Variants in ETV7 observed in about 807,000 individuals in gnomAD.
ETV7 encodes the protein transcription factor ETV7.
In ETV7, 43 loss-of-function variants were observed where a neutral mutation model predicts 39.1. The observed-to-expected ratio is 1.10, with a 90% CI of 0.86 to 1.42. The LOEUF (loss-of-function observed/expected upper bound fraction) is 1.42. Among genes scored for constraint, ETV7 ranks in the 40% most tolerant of loss-of-function variants. The pLI, the probability that ETV7 is intolerant of heterozygous loss-of-function variation, is 0.00. For missense variants in ETV7, 432 were observed against 442.3 expected (o/e 0.98, Z 0.21); for synonymous variants, 196 against 176.6 (o/e 1.11, Z -0.87).
downstream of ETV7, among the ~76,000 whole-genome samples, chr6:36,362,768 C>T (rs1173533460): frequency 1.3e-5 from 2 of 152,314 alleles, no homozygotes; most frequent in South Asian, 2.1e-4. Context: ...TGCCTGCTCT[C>T]CTAGTAGCCC....
chr6:36,384,106 C>T (rs150507082), intron 2 of ETV7, among the ~76,000 whole-genome samples: 1,974 of 152,320 alleles, frequency 0.013, 22 homozygotes, highest in Non-Finnish European at 0.019. Flanking sequence ...CAGAGATCCC[C>T]GTGGTGCTAA....
chr6:36,365,735 GA>G (rs890995714), downstream of ETV7, among the ~76,000 whole-genome samples: 3 of 152,154 alleles, frequency 2.0e-5, no homozygotes, highest in Non-Finnish European at 4.4e-5. Flanking sequence ...AAAACAGGTC[GA>G]AGCCCTGGGT....
intron 6 of ETV7, 57 bp from the exon 7 acceptor site, chr6:36,367,032 A>C: frequency 7.6e-7 from 1 of 1,321,932 alleles, no homozygotes; most frequent in Non-Finnish European, 1.1e-6. Context: ...CTCCTTCCAC[A>C]CCTGGAAGGG....
chr6:36,386,919 G>A (rs1266939134), intron 1 of ETV7: 2 of 165,182 alleles, frequency 1.2e-5, no homozygotes, highest in Non-Finnish European at 2.7e-5. Context: ...CTACTCCTCT[G>A]TCCTCATCCA....
rs777743088 is a variant in ETV7, at chr6:36,368,974, T to G, written c.762A>C (p.Arg254=). 4.3e-6 allele frequency: 7 copies of G among 1,614,188 alleles called. 1 individual carries two copies. In the South Asian group the frequency reaches 7.7e-5, roughly 18 times the overall value. ...KWEDKDAKIF[R]VVDPNGLARL... is the part of the protein sequence containing the mutation. ...TGGCGAGCCCATTTGGATCCACAAC[T>G]CGGAAGATCTTGGCGTCCTTGTCTT... Residue 254 remains arginine, a synonymous_variant, in exon 6 of 8, where the codon CGA becomes CGC. Coordinates refer to ENST00000340181, the MANE Select transcript of ETV7 (RefSeq NM_016135.4).
intron 3 of ETV7, 65 bp downstream of exon 3, chr6:36,375,806 G>A (rs1282121977): frequency 1.2e-6 from 2 of 1,609,808 alleles, no homozygotes; most frequent in South Asian, 2.2e-5. Context: ...GCCCCCCGGG[G>A]GTACTTGGGC....
At chr6:36,363,752 C>A (rs1334662933), downstream of ETV7, among the ~76,000 whole-genome samples, 1 of 146,522 alleles carries the variant, frequency 6.8e-6, no homozygotes, top group Non-Finnish European at 1.5e-5. Flanking sequence ...GAGCTAGACA[C>A]AAAGGTTCTC....
intron 5 of ETV7, among the ~76,000 whole-genome samples, chr6:36,369,517 C>T (rs568226160): frequency 6.6e-6 from 1 of 152,202 alleles, no homozygotes; most frequent in African/African-American, 2.4e-5. Context: ...AACATCCACC[C>T]CTTCAAGCTC....
At chr6:36,363,713 GGGTGCTGATT>G (rs1203564390), downstream of ETV7, among the ~76,000 whole-genome samples, 1 of 152,190 alleles carries the variant, frequency 6.6e-6, no homozygotes, top group Non-Finnish European at 1.5e-5. Flanking sequence ...TGTTTTGACA[GGGTGCTGATT>G]GGTGCGTTTA....
chr6:36,356,399 A>AT (rs1184904141), intron 7 of ETV7, among the ~76,000 whole-genome samples: 4 of 152,086 alleles, frequency 2.6e-5, no homozygotes, highest in African/African-American at 9.7e-5. Context: ...TTATATATCA[A>AT]TTTTTTAAAA....
chr6:36,387,538 G>A lies in ETV7; in HGVS notation c.4C>T (p.Gln2Ter). 1.2e-6 allele frequency: 2 copies of A among 1,614,106 alleles called. No homozygotes were observed. Among genetic ancestry groups the A allele is most frequent in the South Asian group, 1.1e-5 (1 of 91,084 alleles). ...GTGTTCAGCCGCCAGGCTCTTACCT[G>A]CATTACAGGTGGAGGTGAGGAAGCC... M[Q>*]EGELAISPIS... is the part of the protein sequence containing the mutation. Residue 2 changes from glutamine to a stop codon, truncating the protein, a stop_gained and splice_region_variant, in exon 1 of 8, where the codon CAG (glutamine) becomes TAG (stop). Transcript: ENST00000340181. LOFTEE classifies it high-confidence loss of function.
intron 6 of ETV7, 43 bp downstream of exon 6, chr6:36,368,886 C>T (rs1772855397): frequency 6.2e-7 from 1 of 1,613,534 alleles, no homozygotes; most frequent in Admixed American, 1.7e-5. Flanking sequence ...CAACTCTGTC[C>T]CCTTCTGGTT....
chr6:36,383,720 A>G (rs1219751438), intron 2 of ETV7, among the ~76,000 whole-genome samples: 2 of 152,240 alleles, frequency 1.3e-5, no homozygotes, highest in Non-Finnish European at 2.9e-5. Flanking sequence ...TGACAGGAAA[A>G]TGAGTCATTT....
intron 7 of ETV7, among the ~76,000 whole-genome samples, chr6:36,359,039 G>A (rs1201398126): frequency 6.6e-6 from 1 of 152,140 alleles, no homozygotes; most frequent in Non-Finnish European, 1.5e-5. Flanking sequence ...AGGCCAAGAT[G>A]GTCTTCTCCA....
intron 3 of ETV7, among the ~76,000 whole-genome samples, 194 bp from the exon 4 acceptor site, chr6:36,373,772 G>A (rs558863181): frequency 1.1e-4 from 17 of 152,376 alleles, no homozygotes; most frequent in African/African-American, 2.6e-4. Flanking sequence ...TGCTGCTCCC[G>A]TGGTGGATGA....
intron 2 of ETV7, among the ~76,000 whole-genome samples, chr6:36,379,726 A>T (rs2127399451): frequency 6.6e-6 from 1 of 152,014 alleles, no homozygotes; most frequent in Non-Finnish European, 1.5e-5. Context: ...AAATAAAAAA[A>T]TTAGCCAGGC....
At chr6:36,378,672 A>G (rs569715835) in intron 2 of ETV7, among the ~76,000 whole-genome samples, 7 of 152,184 alleles carry the variant, frequency 4.6e-5, no homozygotes, top group Non-Finnish European at 7.3e-5. Flanking sequence ...GGATTTCTCA[A>G]CCTCAGCACT....
chr6:36,354,761 T>C (rs1160576931), intron 7 of ETV7: 2 of 661,820 alleles, frequency 3.0e-6, no homozygotes, highest in African/African-American at 3.7e-5. Context: ...TTAGGGAGTA[T>C]TGCCATCTTA....
chr6:36,359,946 G>C (rs1446813477), intron 7 of ETV7, among the ~76,000 whole-genome samples: 1 of 152,020 alleles, frequency 6.6e-6, no homozygotes, highest in East Asian at 1.9e-4. Flanking sequence ...TGCCAGGCTG[G>C]AGTGAGTGGC....
Sources: allele counts gnomAD v4.1 joint callset (sites outside exome capture counted in the v4.1 genomes callset), GRCh38; gene constraint gnomAD v4.1.1; transcripts MANE v1.5; gene names NCBI Gene and HGNC (gene_info 2026-07-23, HGNC 2026-07-21).